INTS14: variants seen among roughly 807,000 people sequenced by gnomAD.
INTS14 encodes integrator complex subunit 14.
In INTS14, 27 loss-of-function variants were observed where a neutral mutation model predicts 56.9. The observed-to-expected ratio is 0.47, with a 90% CI of 0.35 to 0.65. The LOEUF (loss-of-function observed/expected upper bound fraction) is 0.65. INTS14 is among the 30% of genes least tolerant of loss of function. INTS14 has a pLI of 0.00. For missense variants in INTS14, 517 were observed against 632.2 expected, an observed-to-expected ratio of 0.82 and a Z score of 1.95; for synonymous variants, 207 against 236.2, an observed-to-expected ratio of 0.88 and a Z score of 1.13.
chr15:65,602,759 C>A (rs1023192132), intron 3 of INTS14, among the ~76,000 whole-genome samples: 1 of 151,966 alleles, frequency 6.6e-6, no homozygotes, highest in African/African-American at 2.4e-5. Flanking sequence ...CCTCTGCCTC[C>A]CCGGTTCAAG....
intron 1 of INTS14, among the ~76,000 whole-genome samples, chr15:65,609,442 A>G (rs2073782031): frequency 6.6e-6 from 1 of 151,922 alleles, no homozygotes; most frequent in Admixed American, 6.6e-5. Flanking sequence ...TGGTTCAACT[A>G]CACTATATTA....
At chr15:65,610,632 T>C in intron 1 of INTS14, 2 of 1,509,690 alleles carry the variant, frequency 1.3e-6, no homozygotes, top group African/African-American at 2.8e-5. Context: ...AAGAACTGAT[T>C]CTCAGCAGTC....
Position 65,593,410 on chromosome 15 carries a change from G to T in INTS14, c.986+18C>A. The T allele has an allele frequency of 6.3e-7, 1 of 1,596,170 alleles. No individual in the cohort carries two copies. Among genetic ancestry groups the T allele is most frequent in the African/African-American group, 1.3e-5 (1 of 74,252 alleles). ...GATTTTCCCTTTCATTCAACCAAAT[G>T]TAAACAAAGTTTCCTACCCTAATTG... On this transcript the variant is annotated intron_variant, in intron 8 of 11. Transcript: ENST00000313182.
Position 65,607,335 on chromosome 15 carries a change from G to A in INTS14, c.46C>T (p.Pro16Ser), listed in dbSNP as rs764460629. 3 of 1,614,160 alleles carry A rather than the reference G, an allele frequency of 1.9e-6. No individual in the cohort carries two copies. The highest frequency in any genetic ancestry group is 2.2e-5 in the South Asian group (2 of 91,086). The change falls in exon 2 of 12, where the codon CCT becomes TCT. Residue 16 changes from proline to serine, a missense_variant. By Grantham distance (74) the Pro-to-Ser change is moderately conservative. Transcript: ENST00000313182. The part of the protein sequence containing the change: ...VMDVSLSMTR[P>S]VSIEGSEEYQ... ...TCCTCGGACCCCTCAATAGACACAG[G>A]TCGGGTCATGGAAAGGGATACATCC...
chr15:65,582,274 A>T (rs763238171), intron 10 of INTS14, among the ~76,000 whole-genome samples: 1 of 152,192 alleles, frequency 6.6e-6, no homozygotes, highest in Non-Finnish European at 1.5e-5. Flanking sequence ...AAACCCATAC[A>T]TCTATTGCCA....
chr15:65,579,579 C>A lies in INTS14; in HGVS notation c.1386G>T (p.Arg462Ser), dbSNP rs1368778649. ...LLKGVADMLERECTLLPETAH... is the reference protein window; with the variant it reads ...LLKGVADMLESECTLLPETAH... ...CTGTCTCAGGCAGCAGTGTGCATTC[C>A]CTTTCCAGCATGTCAGCCACCCCTT... The change falls in exon 12 of 12, where the codon AGG becomes AGT. Residue 462 changes from arginine (R) to serine (S), a missense_variant. By Grantham distance (110) the Arg-to-Ser change is moderately radical. Transcript: ENST00000313182. 1.2e-6 allele frequency: 2 copies of A among 1,614,210 alleles called. No homozygotes were observed. Among genetic ancestry groups the A allele is most frequent in the Non-Finnish European group, 8.5e-7 (1 of 1,180,040 alleles).
intron 9 of INTS14, among the ~76,000 whole-genome samples, chr15:65,585,210 T>C (rs966606405): frequency 2.0e-5 from 3 of 151,980 alleles, no homozygotes; most frequent in Non-Finnish European, 4.4e-5. Context: ...TAGACACACA[T>C]ATATATACTG....
Position 65,579,016 on chromosome 15 carries a change from G to GA in INTS14, c.*391dup, listed in dbSNP as rs1343182841. The GA allele has an allele frequency of 6.5e-5, 11 of 169,928 alleles. No homozygotes were observed. Among genetic ancestry groups the GA allele is most frequent in the Admixed American group, 1.7e-4 (3 of 17,378 alleles). 10.5% of individuals were successfully genotyped at this position (169,928 alleles called of 1,614,324 possible). On this transcript the variant is annotated 3_prime_UTR_variant, in exon 12 of 12. Transcript: ENST00000313182. ...TTGCTCATTCCATGAACAGAAGCTT[G>GA]AAAATGCCCTTACAGTTGAGATATA...
At chr15:65,588,026 G>C (rs1478299174) in intron 9 of INTS14, among the ~76,000 whole-genome samples, 2 of 152,020 alleles carry the variant, frequency 1.3e-5, no homozygotes, top group African/African-American at 4.8e-5. Flanking sequence ...AGTGGCTCGT[G>C]CCTGTAATTC....
rs1385529746 is a variant in INTS14, at chr15:65,598,472, T to C, written c.606-9A>G. ...CCAAATCTATCAGTTTTCTAGAATA[T>C]GATAATTAATAGTTATAGGAAGAGT... On this transcript the variant is annotated splice_polypyrimidine_tract_variant and intron_variant, in intron 5 of 11. Coordinates refer to ENST00000313182, the MANE Select transcript of INTS14 (RefSeq NM_001394796.1). 1 of 1,612,002 alleles carries C rather than the reference T, an allele frequency of 6.2e-7. No homozygotes were observed. The highest frequency in any genetic ancestry group is 8.5e-7 in the Non-Finnish European group (1 of 1,178,718).
At chr15:65,599,975 T>C (rs1055144475) in intron 3 of INTS14, 46 bp from the exon 4 acceptor site, 8 of 1,576,698 alleles carry the variant, frequency 5.1e-6, no homozygotes, top group Non-Finnish European at 6.9e-6. Context: ...AAATTACATA[T>C]TTAACGCAGT....
chr15:65,606,447 A>G (rs1290264029), intron 2 of INTS14, among the ~76,000 whole-genome samples: 2 of 150,386 alleles, frequency 1.3e-5, no homozygotes, highest in East Asian at 3.9e-4. Flanking sequence ...TAGAGACGGG[A>G]TCTTGCCATG....
At chr15:65,580,013 A>C (rs1445341121) in intron 11 of INTS14, among the ~76,000 whole-genome samples, 1 of 152,192 alleles carries the variant, frequency 6.6e-6, no homozygotes, top group Non-Finnish European at 1.5e-5. Flanking sequence ...TATGGAAAAG[A>C]CTTGCCCTCA....
Position 65,579,633 on chromosome 15 carries a change from A to G in INTS14, c.1332T>C (p.Ala444=). 7 of 1,614,014 alleles carry G rather than the reference A, an allele frequency of 4.3e-6. No homozygotes were observed. Among genetic ancestry groups the G allele is most frequent in the Non-Finnish European group, 5.9e-6 (7 of 1,179,882 alleles). ...GCAGGTCCAGGAAACCAAAGGCTAG[A>G]GCGGCCTTTCGCAAACGGTTCAGCT... ...YKELNRLRKA[A]LAFGFLDLLK... The change falls in exon 12 of 12, where the codon GCT becomes GCC. Residue 444 remains alanine (A), a synonymous_variant. Coordinates refer to ENST00000313182, the MANE Select transcript of INTS14 (RefSeq NM_001394796.1).
rs2072459789 is a variant in INTS14 at position 65,578,850 on chromosome 15, A to G, written c.*558T>C. ...ATAATAGGAATCATTTTACACATTA[A>G]TGGTTGCTCTTTAAAAGTTAGAATC... On this transcript the variant is annotated 3_prime_UTR_variant, in exon 12 of 12. Coordinates refer to ENST00000313182, the MANE Select transcript of INTS14 (RefSeq NM_001394796.1). 6.6e-6 allele frequency: 1 copy of G among 152,260 alleles called. No homozygotes were observed. Among genetic ancestry groups the G allele is most frequent in the African/African-American group, 2.4e-5 (1 of 41,460 alleles). The allele number at this position is 152,260 out of a possible 1,614,324, so 9.4% of individuals were successfully genotyped here.
chr15:65,593,610 C>T (rs1055907611), intron 7 of INTS14, 38 bp from the exon 8 acceptor site: 7 of 1,593,802 alleles, frequency 4.4e-6, no homozygotes, highest in East Asian at 2.2e-5. Flanking sequence ...ACTGAAATTA[C>T]CTACAAAAAC....
At chr15:65,598,565 A>G in intron 5 of INTS14, 102 bp from the exon 6 acceptor site, 1 of 1,220,464 alleles carries the variant, frequency 8.2e-7, no homozygotes, top group Non-Finnish European at 1.1e-6. Context: ...TGGTTCCAAA[A>G]CTAAGATCTG....
intron 6 of INTS14, among the ~76,000 whole-genome samples, chr15:65,597,486 T>C (rs1200928906): frequency 6.6e-6 from 1 of 152,230 alleles, no homozygotes; most frequent in Admixed American, 6.5e-5. Flanking sequence ...CTCCTTGCTA[T>C]TTTTGACTCT....
chr15:65,579,649 C>T lies in INTS14; in HGVS notation c.1316G>A (p.Arg439His). The change falls in exon 12 of 12, where the codon CGT becomes CAT. Residue 439 changes from arginine (R) to histidine (H), a missense_variant. By Grantham distance (29) the Arg-to-His change is conservative. Transcript: ENST00000313182. ...AAAGGCTAGAGCGGCCTTTCGCAAA[C>T]GGTTCAGCTCCTGAAACAAGACAGA... ...KTQTFYKELN[R>H]LRKAALAFGF... 11 of 1,612,444 alleles carry T rather than the reference C, an allele frequency of 6.8e-6. No individual in the cohort carries two copies. Among genetic ancestry groups the T allele is most frequent in the Non-Finnish European group, 9.3e-6 (11 of 1,178,634 alleles).
Sources: allele counts gnomAD v4.1 joint callset (sites outside exome capture counted in the v4.1 genomes callset), GRCh38; gene constraint gnomAD v4.1.1; transcripts MANE v1.5; gene names NCBI Gene and HGNC (gene_info 2026-07-23, HGNC 2026-07-21).